TRDN: variants seen among roughly 807,000 people sequenced by gnomAD.
TRDN encodes triadin in skeletal muscle.
In TRDN, 161 loss-of-function variants were observed where a neutral mutation model predicts 149.7. The ratio of observed to expected loss-of-function variants is 1.08; its 90% CI spans 0.95 to 1.23. The LOEUF (loss-of-function observed/expected upper bound fraction) is 1.23. TRDN is among the 50% of genes most tolerant of loss of function. TRDN has a pLI of 0.00. For synonymous variants in TRDN, 294 were observed against 250.5 expected (o/e 1.17, Z -1.64); for missense variants, 896 against 823.5 (o/e 1.09, Z -1.08).
At chr6:123,549,419 A>G (rs989319465) in intron 2 of TRDN, among the ~76,000 whole-genome samples, 2 of 152,052 alleles carry the variant, frequency 1.3e-5, no homozygotes, top group East Asian at 1.9e-4. Flanking sequence ...ATCTAGAAAT[A>G]TGGTATAAAT....
chr6:123,453,743 T>C (rs1393279565), intron 10 of TRDN, among the ~76,000 whole-genome samples: 2 of 152,084 alleles, frequency 1.3e-5, no homozygotes, highest in Non-Finnish European at 2.9e-5. Context: ...GATCCAGCAA[T>C]CCCACTACTG....
chr6:123,224,960 A>T (rs940446910), intron 38 of TRDN, among the ~76,000 whole-genome samples: 3 of 151,796 alleles, frequency 2.0e-5, no homozygotes, highest in Non-Finnish European at 4.4e-5. Flanking sequence ...CAAAATGAAA[A>T]GGCAAATTAT....
At chr6:123,451,621 A>G (rs9490766) in intron 10 of TRDN, among the ~76,000 whole-genome samples, 1 of 151,680 alleles carries the variant, frequency 6.6e-6, no homozygotes, top group Admixed American at 6.6e-5. Flanking sequence ...AATTACCAAC[A>G]AAAAAAAGTC....
Position 123,259,769 on chromosome 6 carries a change from GGA to G in TRDN, c.1832-109_1832-108del, listed in dbSNP as rs375757974. On this transcript the variant is annotated intron_variant, in intron 34 of 40. Coordinates refer to ENST00000334268, the MANE Select transcript of TRDN (RefSeq NM_006073.4). Reference sequence around the variant, plus strand: ...ATGAGACTTAATCTTATGAGTGGAGGGAGTCAGGGCTCTCTCATTTCATTTTT... The same window carrying G: ...ATGAGACTTAATCTTATGAGTGGAGGGTCAGGGCTCTCTCATTTCATTTTT... 525 of 733,916 alleles carry G rather than the reference GGA, an allele frequency of 7.2e-4. 4 individuals are homozygous for G. The South Asian group carries it at 9.7e-3, about 14-fold the overall frequency. The allele number at this position is 733,916 out of a possible 1,614,324, so 45.5% of individuals were successfully genotyped here.
chr6:123,240,967 T>C (rs377594331), intron 38 of TRDN, among the ~76,000 whole-genome samples: 2 of 152,038 alleles, frequency 1.3e-5, no homozygotes, highest in South Asian at 4.1e-4. Flanking sequence ...AATTTAATTA[T>C]GTAAAAAAGG....
At chr6:123,550,081 C>T (rs1174879396) in intron 2 of TRDN, among the ~76,000 whole-genome samples, 1 of 152,004 alleles carries the variant, frequency 6.6e-6, no homozygotes, top group African/African-American at 2.4e-5. Flanking sequence ...TGTAATGCAA[C>T]ATGATTTACA....
Position 123,503,559 on chromosome 6 carries a change from C to T in TRDN, c.793+160G>A, listed in dbSNP as rs940562858. The T allele has an allele frequency of 9.8e-6, 14 of 1,432,808 alleles. No homozygotes were observed. The Admixed American group carries it at 3.5e-4, about 36-fold the overall frequency. The allele number at this position is 1,432,808 out of a possible 1,614,324, so 88.8% of individuals were successfully genotyped here. On this transcript the variant is annotated intron_variant, in intron 8 of 40. Transcript: ENST00000334268. Reference sequence around the variant, plus strand: ...GTATTTTTATAAATAAATATTAATTCCCAATTTACTGTATTTCTTTTCTGA... The same window carrying T: ...GTATTTTTATAAATAAATATTAATTTCCAATTTACTGTATTTCTTTTCTGA...
intron 24 of TRDN, among the ~76,000 whole-genome samples, chr6:123,301,009 C>T (rs758861495): frequency 6.6e-5 from 10 of 151,882 alleles, no homozygotes; most frequent in Non-Finnish European, 1.2e-4. Context: ...TTATTGTGTG[C>T]CAGGAACTGT....
intron 1 of TRDN, among the ~76,000 whole-genome samples, chr6:123,604,674 A>C (rs1325208474): frequency 6.6e-6 from 1 of 152,136 alleles, no homozygotes; most frequent in East Asian, 1.9e-4. Flanking sequence ...AAAGAGATGG[A>C]ATTTTAAAAT....
At chr6:123,573,979 A>C (rs1345376653) in intron 1 of TRDN, among the ~76,000 whole-genome samples, 4 of 152,140 alleles carry the variant, frequency 2.6e-5, no homozygotes, top group African/African-American at 9.6e-5. Context: ...AAATAATACT[A>C]TCCTTCTCTT....
intron 21 of TRDN, chr6:123,350,117 C>T (rs982419360): frequency 3.1e-6 from 3 of 972,972 alleles, no homozygotes; most frequent in South Asian, 4.8e-5. Flanking sequence ...AAAATGTTTA[C>T]TAACTGTGTT....
At chr6:123,448,357 C>T (rs985856508) in intron 10 of TRDN, among the ~76,000 whole-genome samples, 20 of 152,132 alleles carry the variant, frequency 1.3e-4, no homozygotes, top group African/African-American at 4.8e-4. Flanking sequence ...AAGCCCATCT[C>T]GCCCTCCACC....
chr6:123,560,878 TC>T (rs1459305986), intron 2 of TRDN, among the ~76,000 whole-genome samples: 1 of 152,206 alleles, frequency 6.6e-6, no homozygotes, highest in Non-Finnish European at 1.5e-5. Context: ...TCATTTCCTT[TC>T]CATCGTGGAA....
intron 39 of TRDN, among the ~76,000 whole-genome samples, chr6:123,222,870 A>G (rs571432418): frequency 6.6e-6 from 1 of 152,024 alleles, no homozygotes; most frequent in South Asian, 2.1e-4. Context: ...GAAGACATAC[A>G]TTCAATCAAC....
intron 24 of TRDN, among the ~76,000 whole-genome samples, chr6:123,311,620 G>A (rs115380982): frequency 6.6e-6 from 1 of 152,098 alleles, no homozygotes; most frequent in African/African-American, 2.4e-5. Flanking sequence ...CTCTAGATCA[G>A]TAGGCCATAA....
chr6:123,529,030 A>G, intron 5 of TRDN: 1 of 1,375,002 alleles, frequency 7.3e-7, no homozygotes, highest in South Asian at 1.7e-5. Flanking sequence ...TAATAAACCT[A>G]CTCTACAGCC....
chr6:123,619,689 A>T (rs1032491385), intron 1 of TRDN, among the ~76,000 whole-genome samples: 1 of 152,198 alleles, frequency 6.6e-6, no homozygotes, highest in Non-Finnish European at 1.5e-5. Context: ...TGCTGCAGCC[A>T]CTTTTGAAAA....
chr6:123,625,814 T>A (rs138299672), intron 1 of TRDN, among the ~76,000 whole-genome samples: 28 of 152,312 alleles, frequency 1.8e-4, no homozygotes, highest in African/African-American at 6.7e-4. Context: ...TGAGTCATAA[T>A]CTTTTTGCTA....
At chr6:123,459,543 G>C (rs1776329348) in intron 10 of TRDN, among the ~76,000 whole-genome samples, 1 of 152,090 alleles carries the variant, frequency 6.6e-6, no homozygotes, top group Non-Finnish European at 1.5e-5. Flanking sequence ...TCAGGCATAG[G>C]AGTGATAAAG....
Sources: gnomAD v4.1 joint callset for allele counts (sites outside exome capture counted in the v4.1 genomes callset) on GRCh38, gnomAD v4.1.1 for gene constraint, MANE v1.5 for transcripts, NCBI Gene and HGNC (gene_info 2026-07-23, HGNC 2026-07-21) for gene names.